The following SPTLC3 variants were observed in gnomAD, a reference collection of about 807,000 sequenced individuals.
The protein encoded by SPTLC3 is serine palmitoyltransferase long chain base subunit 3.
A neutral mutation model predicts 59.3 loss-of-function variants in SPTLC3; 36 were observed. The observed-to-expected ratio is 0.61, with a 90% confidence interval of 0.47 to 0.80. The LOEUF is 0.80. Ranked by LOEUF, SPTLC3 falls within the 30% of genes least tolerant of loss-of-function variation. The probability of loss-of-function intolerance (pLI) is 0.00; values close to 1 mark genes in which losing one functional copy is unlikely to be tolerated. For missense variants in SPTLC3, 625 were observed against 685.1 expected (o/e 0.91, Z 0.98); for synonymous variants, 257 against 240.8 (o/e 1.07, Z -0.62).
intron 1 of SPTLC3, among the ~76,000 whole-genome samples, chr20:13,013,354 T>G (rs6078878): frequency 0.57 from 86,012 of 152,134 alleles, 26,972 homozygotes; most frequent in South Asian, 0.72. Context: ...GGTAGCTGCC[T>G]GACAGCCGTG....
chr20:13,099,727 G>T (rs6109698), intron 6 of SPTLC3, among the ~76,000 whole-genome samples: 10,029 of 152,224 alleles, frequency 0.066, 1,083 homozygotes, highest in African/African-American at 0.22. Context: ...GATGCTGCTG[G>T]CTCTGTTTCT....
rs1988877145 is a variant in SPTLC3 at position 13,082,584 on chromosome 20, C to T, written c.607+8087C>T. Among the ~76,000 whole-genome samples the T allele has an allele frequency of 2.0e-5, 3 of 152,304 alleles. No homozygotes were observed. The South Asian group carries it at 6.2e-4, about 32-fold the overall frequency. ...GTATTGTCTGACTGCTTTCACTTTACAATAGCAGAGTTGAATAGTTGCAAC... is the reference window on the plus strand; with the variant it reads ...GTATTGTCTGACTGCTTTCACTTTATAATAGCAGAGTTGAATAGTTGCAAC... On this transcript the variant is annotated intron_variant, in intron 4 of 11. Transcript: ENST00000399002.
chr20:13,080,586 C>T (rs1453239973), intron 4 of SPTLC3, among the ~76,000 whole-genome samples: 1 of 150,930 alleles, frequency 6.6e-6, no homozygotes, highest in East Asian at 1.9e-4. Flanking sequence ...ATCACATCAC[C>T]CCAAAGAATG....
intron 4 of SPTLC3, among the ~76,000 whole-genome samples, chr20:13,081,877 T>G (rs1988851820): frequency 6.6e-6 from 1 of 152,216 alleles, no homozygotes; most frequent in African/African-American, 2.4e-5. Context: ...AGAATGGGAC[T>G]CTTGGAGGAA....
chr20:13,010,159 G>T (rs1021815941), intron 1 of SPTLC3, among the ~76,000 whole-genome samples: 1 of 151,952 alleles, frequency 6.6e-6, no homozygotes, highest in Admixed American at 6.6e-5. Context: ...AGGTCCTTAT[G>T]TAAGGCAGTT....
intron 2 of SPTLC3, among the ~76,000 whole-genome samples, chr20:13,051,540 A>C (rs1166940756): frequency 6.6e-6 from 1 of 152,254 alleles, no homozygotes; most frequent in Non-Finnish European, 1.5e-5. Context: ...CAAGAGAGAA[A>C]GTCAACAAAG....
intron 2 of SPTLC3, among the ~76,000 whole-genome samples, chr20:13,066,089 G>A (rs1480693612): frequency 6.6e-6 from 1 of 152,164 alleles, no homozygotes; most frequent in East Asian, 1.9e-4. Flanking sequence ...CCCAGGCCTG[G>A]CAACCACCAT....
Position 13,125,107 on chromosome 20 carries a change from T to C in SPTLC3, c.1153-1484T>C, listed in dbSNP as rs566257000. On this transcript the variant is annotated intron_variant, in intron 8 of 11. Transcript: ENST00000399002. ...CCCAGGCCATGAGACACTGTATAGG[T>C]GGGCTGATGGAGGGTCTCTGCCACC... Among the ~76,000 whole-genome samples the C allele has an allele frequency of 1.8e-4, 28 of 152,274 alleles. No homozygotes were observed. The East Asian group carries it at 5.2e-3, about 28-fold the overall frequency.
rs1177515659 is a variant in SPTLC3, at chr20:13,066,885, T to C, written c.304-5371T>C. On this transcript the variant is annotated intron_variant, in intron 2 of 11. Coordinates refer to ENST00000399002, the MANE Select transcript of SPTLC3 (RefSeq NM_018327.4). ...TATATATCTCTTGACTTTCCCTTTA[T>C]ATTTTCTTTATCCTTTTCACTGTCT... Among the ~76,000 whole-genome samples, 3 of 149,288 alleles carry C rather than the reference T, an allele frequency of 2.0e-5. No homozygotes were observed. In the East Asian group the frequency reaches 5.9e-4, roughly 29 times the overall value.
At chr20:13,056,637 A>T (rs1385537061) in intron 2 of SPTLC3, among the ~76,000 whole-genome samples, 1 of 151,572 alleles carries the variant, frequency 6.6e-6, no homozygotes, top group Non-Finnish European at 1.5e-5. Flanking sequence ...TTTGGTAAAG[A>T]CAGGGTTTTG....
At chr20:13,152,177 G>T (rs2038663792) in intron 9 of SPTLC3, among the ~76,000 whole-genome samples, 1 of 152,076 alleles carries the variant, frequency 6.6e-6, no homozygotes, top group African/African-American at 2.4e-5. Context: ...ATGTAAATTT[G>T]TGTAAGTTAC....
intron 4 of SPTLC3, among the ~76,000 whole-genome samples, chr20:13,087,276 G>A (rs140037284): frequency 2.9e-3 from 435 of 152,296 alleles, no homozygotes; most frequent in African/African-American, 9.8e-3. Context: ...TCCTGAGATA[G>A]CAGGTTTTGG....
At chr20:13,031,713 G>A (rs1385120851) in intron 1 of SPTLC3, among the ~76,000 whole-genome samples, 2 of 152,148 alleles carry the variant, frequency 1.3e-5, no homozygotes, top group Non-Finnish European at 2.9e-5. Flanking sequence ...GTACACGCAC[G>A]TGGAAGTCAA....
chr20:13,018,061 ATCTTGGAAGTGAATCC>A (rs1985630407), intron 1 of SPTLC3, among the ~76,000 whole-genome samples: 1 of 152,200 alleles, frequency 6.6e-6, no homozygotes, highest in African/African-American at 2.4e-5. Flanking sequence ...TGAGTGATGT[ATCTTGGAAGTGAATCC>A]TCCAGCCCCA....
rs747112948 is a variant in SPTLC3 at position 13,072,421 on chromosome 20, T to C, written c.458+11T>C. 1 of 1,556,062 alleles carries C rather than the reference T, an allele frequency of 6.4e-7. No individual in the cohort carries two copies. ...TAACTGGACGTTTAGGTGAGAGAAC[T>C]TCTTGGAGGGGATTGGTGAAAAGAA... On this transcript the variant is annotated intron_variant, in intron 3 of 11. Transcript: ENST00000399002.
chr20:13,072,113 C>A, intron 2 of SPTLC3, 143 bp from the exon 3 acceptor site: 1 of 828,602 alleles, frequency 1.2e-6, no homozygotes, highest in Non-Finnish European at 1.8e-6. Context: ...AGATTTACTT[C>A]CCTCACCTAC....
At chr20:13,019,541 A>T (rs1985751551) in intron 1 of SPTLC3, among the ~76,000 whole-genome samples, 1 of 152,194 alleles carries the variant, frequency 6.6e-6, no homozygotes, top group Admixed American at 6.5e-5. Context: ...TATATTAACA[A>T]TTACCCTAGA....
At chr20:13,013,373 C>T (rs191193552) in intron 1 of SPTLC3, among the ~76,000 whole-genome samples, 2 of 152,240 alleles carry the variant, frequency 1.3e-5, no homozygotes, top group Admixed American at 1.3e-4. Flanking sequence ...TGGTAAGTAC[C>T]TGTGTCTGTG....
chr20:13,040,986 C>G (rs1237969404), intron 1 of SPTLC3, among the ~76,000 whole-genome samples: 3 of 152,054 alleles, frequency 2.0e-5, no homozygotes, highest in Admixed American at 2.0e-4. Flanking sequence ...TTTATGTGAT[C>G]AATTGTTTGG....
Sources: allele counts gnomAD v4.1 joint callset (sites outside exome capture counted in the v4.1 genomes callset), GRCh38; gene constraint gnomAD v4.1.1; transcripts MANE v1.5; gene names NCBI Gene and HGNC (gene_info 2026-07-23, HGNC 2026-07-21).